Variants in CCDC33 observed in about 807,000 individuals in gnomAD.
CCDC33 encodes coiled-coil domain containing 33.
In CCDC33, 94 loss-of-function variants were observed where a neutral mutation model predicts 91.9. The observed-to-expected ratio is 1.02, with a 90% CI of 0.87 to 1.21. CCDC33 has a LOEUF of 1.21. Ranked by LOEUF, CCDC33 falls within the 50% of genes most tolerant of loss-of-function variation. The pLI, the probability that CCDC33 is intolerant of heterozygous loss-of-function variation, is 0.00. For synonymous variants in CCDC33, 396 were observed against 374.5 expected (o/e 1.06, Z -0.66); for missense variants, 940 against 935.5 (o/e 1.00, Z -0.06).
At chr15:74,232,959 T>C (rs2075029438), upstream of CCDC33, among the ~76,000 whole-genome samples, 1 of 152,154 alleles carries the variant, frequency 6.6e-6, no homozygotes, top group Admixed American at 6.5e-5. Flanking sequence ...CCAGGCCCAC[T>C]TGCCCTCTTC....
At chr15:74,283,947 A>G (rs941067497) in intron 10 of CCDC33, among the ~76,000 whole-genome samples, 1 of 152,220 alleles carries the variant, frequency 6.6e-6, no homozygotes, top group African/African-American at 2.4e-5. Context: ...GCTCTCACAT[A>G]CATGCAAACT....
intron 2 of CCDC33, among the ~76,000 whole-genome samples, chr15:74,227,855 T>G (rs753707102): frequency 3.9e-5 from 6 of 152,098 alleles, no homozygotes; most frequent in Non-Finnish European, 5.9e-5. Flanking sequence ...TACTTGGCAA[T>G]GTGGTTGTGA....
intron 9 of CCDC33, 150 bp from the exon 10 acceptor site, chr15:74,281,628 C>T: frequency 1.5e-6 from 1 of 675,076 alleles, no homozygotes. Flanking sequence ...TTTGCGAGGG[C>T]AAAAGCAGGA....
chr15:74,228,879 C>G (rs1370125718), intron 2 of CCDC33, among the ~76,000 whole-genome samples: 1 of 152,194 alleles, frequency 6.6e-6, no homozygotes, highest in Non-Finnish European at 1.5e-5. Flanking sequence ...GCCAGAGGCT[C>G]TGCTCTCTGG....
At chr15:74,217,188 C>A (rs2074466292), upstream of CCDC33, 5 of 1,028,812 alleles carry the variant, frequency 4.9e-6, no homozygotes, top group Admixed American at 2.0e-4. Flanking sequence ...GAGCACCCAG[C>A]CTGCAGGCTT....
chr15:74,243,748 G>A (rs1566964295), intron 1 of CCDC33: 1 of 547,420 alleles, frequency 1.8e-6, no homozygotes, highest in Non-Finnish European at 3.5e-6. Flanking sequence ...CCTGAGGTCA[G>A]GAGTTTGAGA....
intron 1 of CCDC33, chr15:74,209,335 G>C: frequency 2.6e-6 from 4 of 1,519,320 alleles, no homozygotes; most frequent in Non-Finnish European, 3.5e-6. Flanking sequence ...TGGCCTTAGA[G>C]AAGCTGAGGA....
At chr15:74,288,216 G>A (rs1596036469) in intron 10 of CCDC33, among the ~76,000 whole-genome samples, 1 of 151,984 alleles carries the variant, frequency 6.6e-6, no homozygotes, top group Non-Finnish European at 1.5e-5. Context: ...TCCTCCCCCT[G>A]GCCCTGCCTT....
At chr15:74,334,122 AG>A (rs1250070980) in intron 17 of CCDC33, among the ~76,000 whole-genome samples, 155 bp downstream of exon 17, 1 of 152,226 alleles carries the variant, frequency 6.6e-6, no homozygotes, top group African/African-American at 2.4e-5. Flanking sequence ...AACCAGGGTC[AG>A]GGCTCAGTGT....
At chr15:74,257,176 T>C (rs1160595141) in intron 2 of CCDC33, among the ~76,000 whole-genome samples, 1 of 152,222 alleles carries the variant, frequency 6.6e-6, no homozygotes, top group Non-Finnish European at 1.5e-5. Context: ...TGATGCTTCA[T>C]TAGAGTCCAA....
chr15:74,272,852 C>A lies in CCDC33; in HGVS notation c.720C>A (p.Asn240Lys). ...CCTTCCCTATCCCGTCCATGATGAA[C>A]TTTGACGTGCCTCGCGTCAGCCAGA... ...PLSFPIPSMM[N>K]FDVPRVSQNG... Residue 240 changes from asparagine (N) to lysine (K), a missense_variant, in exon 7 of 19, where the codon AAC becomes AAA. Transcript: ENST00000398814. 6.2e-7 allele frequency: 1 copy of A among 1,614,256 alleles called. No individual in the cohort carries two copies. Among genetic ancestry groups the A allele is most frequent in the Non-Finnish European group, 8.5e-7 (1 of 1,180,038 alleles).
At chr15:74,280,544 G>A in intron 8 of CCDC33, 124 bp from the exon 9 acceptor site, 2 of 1,100,636 alleles carry the variant, frequency 1.8e-6, no homozygotes, top group Non-Finnish European at 2.5e-6. Flanking sequence ...GGATGTATGT[G>A]CAGGGAAAGG....
intron 11 of CCDC33, among the ~76,000 whole-genome samples, chr15:74,308,358 G>GAC (rs3057604): frequency 1.0e-4 from 15 of 145,902 alleles, no homozygotes; most frequent in African/African-American, 3.9e-4. Context: ...CAGACAGACA[G>GAC]ACACACACAC....
chr15:74,221,437 C>A, intron 2 of CCDC33: 1 of 502,588 alleles, frequency 2.0e-6, no homozygotes, highest in Non-Finnish European at 2.6e-6. Flanking sequence ...TCAGCCACGG[C>A]CCCTGGGTTA....
chr15:74,242,477 G>A (rs1009747012), intron 1 of CCDC33, among the ~76,000 whole-genome samples: 1 of 152,208 alleles, frequency 6.6e-6, no homozygotes, highest in South Asian at 2.1e-4. Flanking sequence ...GCCCTGGAAT[G>A]CAGGGTCTGA....
chr15:74,297,479 G>A (rs2059711176), intron 11 of CCDC33, among the ~76,000 whole-genome samples: 1 of 152,104 alleles, frequency 6.6e-6, no homozygotes, highest in Non-Finnish European at 1.5e-5. Flanking sequence ...GATCGCTTGA[G>A]CCCAGAAGTT....
rs544574288 is a variant in CCDC33 at position 74,270,980 on chromosome 15, G to A, written c.547-723G>A. ...GACTGAGGAGGGAACAACCAAGGGC[G>A]GTCAGGGGAGTGACAACCGGGATCT... is the stretch of plus-strand genomic sequence containing the variant. On this transcript the variant is annotated intron_variant, in intron 5 of 18. Transcript: ENST00000398814. 9.1e-4 allele frequency among the ~76,000 whole-genome samples: 139 copies of A among 152,264 alleles called. 1 individual carries two copies. Among genetic ancestry groups the A allele is most frequent in the Middle Eastern group, 3.4e-3 (1 of 294 alleles).
upstream of CCDC33, among the ~76,000 whole-genome samples, chr15:74,214,282 A>G (rs1196177641): frequency 1.3e-5 from 2 of 152,112 alleles, no homozygotes; most frequent in Non-Finnish European, 2.9e-5. Flanking sequence ...GGAGGGCCCC[A>G]TTAAGGTCTT....
chr15:74,330,386 G>A, intron 12 of CCDC33, 32 bp downstream of exon 12: 1 of 1,529,868 alleles, frequency 6.5e-7, no homozygotes, highest in South Asian at 1.2e-5. Flanking sequence ...AGGGCACCCG[G>A]GCTTCTGCCT....
Sources: gnomAD v4.1 joint callset for allele counts (sites outside exome capture counted in the v4.1 genomes callset) on GRCh38, gnomAD v4.1.1 for gene constraint, MANE v1.5 for transcripts, NCBI Gene and HGNC (gene_info 2026-07-23, HGNC 2026-07-21) for gene names.